The following NDUFAF6 variants were observed in gnomAD, a reference collection of about 807,000 sequenced individuals.
NDUFAF6 encodes NADH dehydrogenase (ubiquinone) complex I, assembly factor 6.
In NDUFAF6, 45 loss-of-function variants were observed where a neutral mutation model predicts 40.8. The ratio of observed to expected loss-of-function variants is 1.10; its 90% CI spans 0.87 to 1.42. The LOEUF (loss-of-function observed/expected upper bound fraction) is 1.42. Ranked by LOEUF, NDUFAF6 falls within the 40% of genes most tolerant of loss-of-function variation. NDUFAF6 has a pLI of 0.00. For missense variants in NDUFAF6, 435 were observed against 418.5 expected (o/e 1.04, Z -0.34); for synonymous variants, 185 against 155.9 (o/e 1.19, Z -1.39).
chr8:95,067,288 A>AT lies in NDUFAF6; in HGVS notation c.*512-8340dup, dbSNP rs561864105. ...GACAGAGACACAGCTCAGGGCAGGC[A>AT]TTTTTATTACCTTTGTGTCCCAAGG... On this transcript the variant is annotated intron_variant and NMD_transcript_variant, in intron 9 of 9. Coordinates refer to the NDUFAF6 transcript ENST00000520757. The AT allele has an allele frequency of 8.3e-3, 1,262 of 152,116 alleles. 13 individuals carry two copies. The highest frequency in any genetic ancestry group is 0.029 in the African/African-American group (1,202 of 41,460). 9.4% of individuals were successfully genotyped at this position (152,116 alleles called of 1,614,324 possible). A position where few individuals can be genotyped will look rare whatever the true frequency, so the allele number is the denominator to read the frequency against.
At chr8:94,975,056 C>T (rs1477511206) in intron 1 of NDUFAF6, among the ~76,000 whole-genome samples, 1 of 152,238 alleles carries the variant, frequency 6.6e-6, no homozygotes, top group African/African-American at 2.4e-5. Context: ...ACCAACATAA[C>T]CACTTGGAGG....
intron 2 of NDUFAF6, among the ~76,000 whole-genome samples, chr8:94,948,468 G>A (rs1563738368): frequency 6.6e-6 from 1 of 152,230 alleles, no homozygotes; most frequent in African/African-American, 2.4e-5. Context: ...TCTTTCCACA[G>A]GTGCAAAGTC....
At chr8:95,056,017 C>T (rs905135176) in intron 8 of NDUFAF6, among the ~76,000 whole-genome samples, 2 of 152,080 alleles carry the variant, frequency 1.3e-5, no homozygotes, top group Admixed American at 6.6e-5. Flanking sequence ...TTTATATATT[C>T]CTGAACAACA....
At chr8:94,922,202 A>G (rs549728421) in intron 1 of NDUFAF6, among the ~76,000 whole-genome samples, 112 of 152,018 alleles carry the variant, frequency 7.4e-4, no homozygotes, top group African/African-American at 9.4e-4. Context: ...AGTAGAGACG[A>G]GGTTTCACCG....
chr8:95,060,906 A>G (rs1010021082), downstream of NDUFAF6, among the ~76,000 whole-genome samples: 2 of 152,130 alleles, frequency 1.3e-5, no homozygotes, highest in African/African-American at 4.8e-5. Context: ...GACAATCGAA[A>G]TAGGTGTTAG....
chr8:94,984,041 G>T (rs893559121), intron 2 of NDUFAF6: 1 of 152,220 alleles, frequency 6.6e-6, no homozygotes, highest in African/African-American at 2.4e-5. Context: ...ACAGGTGCAA[G>T]AAGAGTTGTT....
chr8:95,066,287 C>CTTTTTTTTTT (rs11302193), intron 9 of NDUFAF6, among the ~76,000 whole-genome samples: 2 of 82,920 alleles, frequency 2.4e-5, no homozygotes, highest in African/African-American at 4.9e-5. Flanking sequence ...TGCTTGCTTG[C>CTTTTTTTTTT]TTTTTTTTTT....
At position 94,933,837 on chromosome 8, in the gene NDUFAF6, G is replaced by GGC. The variant is rs1554630467; in HGVS notation, c.-935-11645_-935-11644insCG. Among the ~76,000 whole-genome samples, 5 of 148,148 alleles carry GGC rather than the reference G, an allele frequency of 3.4e-5. No homozygotes were observed. In the South Asian group the frequency reaches 6.6e-4, roughly 20 times the overall value. On this transcript the variant is annotated intron_variant, in intron 1 of 14. Coordinates refer to the NDUFAF6 transcript ENST00000396113. ...TGCCTGTAATCCCAGCACTTTGTGG[G>GGC]GGGGGGGGGAGGATCACGAGGTCAG...
At chr8:94,921,492 G>A (rs1361095159) in intron 1 of NDUFAF6, among the ~76,000 whole-genome samples, 1 of 152,130 alleles carries the variant, frequency 6.6e-6, no homozygotes, top group Non-Finnish European at 1.5e-5. Context: ...GATTCTGGAG[G>A]GAGAAATAGA....
chr8:94,898,202 CAATGTCGATGTGTTATTATTAACT>C (rs1190973335), intron 1 of NDUFAF6, among the ~76,000 whole-genome samples: 3 of 152,150 alleles, frequency 2.0e-5, no homozygotes, highest in African/African-American at 7.2e-5. Flanking sequence ...TTTAATGAAT[CAATGTCGATGTGTTATTATTAACT>C]AAAGTCCATA....
intron 9 of NDUFAF6, chr8:95,068,254 A>G (rs1379998115): frequency 4.6e-5 from 7 of 152,038 alleles, no homozygotes; most frequent in Non-Finnish European, 8.8e-5. Flanking sequence ...TTTATACATA[A>G]TGTCCAGGGT....
At chr8:95,023,897 G>A (rs185631812), upstream of NDUFAF6, among the ~76,000 whole-genome samples, 97 of 151,884 alleles carry the variant, frequency 6.4e-4, no homozygotes, top group African/African-American at 2.2e-3. Flanking sequence ...AGGCTGAGGC[G>A]GGAGAATCGC....
At chr8:94,913,471 A>G (rs554268593) in intron 1 of NDUFAF6, among the ~76,000 whole-genome samples, 72 of 152,268 alleles carry the variant, frequency 4.7e-4, no homozygotes, top group Non-Finnish European at 8.2e-4. Context: ...CCTCTTCATC[A>G]TCACTATAAC....
At chr8:95,009,039 A>C (rs1827120097) in intron 2 of NDUFAF6, among the ~76,000 whole-genome samples, 3 of 151,976 alleles carry the variant, frequency 2.0e-5, no homozygotes, top group Non-Finnish European at 4.4e-5. Flanking sequence ...TCTACCAAAA[A>C]AGAAAAAAAA....
At chr8:95,054,411 G>A (rs1587176050) in intron 8 of NDUFAF6, among the ~76,000 whole-genome samples, 5 of 150,220 alleles carry the variant, frequency 3.3e-5, no homozygotes, top group South Asian at 2.1e-4. Context: ...AAACTCGGGG[G>A]GTGGGGCCCA....
chr8:94,960,181 A>T (rs1186592057), intron 1 of NDUFAF6, among the ~76,000 whole-genome samples: 1 of 152,230 alleles, frequency 6.6e-6, no homozygotes, highest in African/African-American at 2.4e-5. Context: ...GCAGCTTTAT[A>T]GAGATAAAAT....
intron 1 of NDUFAF6, among the ~76,000 whole-genome samples, chr8:94,972,335 G>A (rs1031636083): frequency 6.6e-5 from 10 of 152,040 alleles, no homozygotes; most frequent in Admixed American, 1.3e-4. Context: ...TCTGCCTCCC[G>A]GGTTCAAGCA....
chr8:94,971,817 A>G (rs529640293), intron 1 of NDUFAF6, among the ~76,000 whole-genome samples: 3 of 152,098 alleles, frequency 2.0e-5, no homozygotes, highest in Non-Finnish European at 4.4e-5. Context: ...TTGCGCCTAT[A>G]ATCCCAGCTA....
At chr8:95,097,369 TA>T (rs1377420200), upstream of NDUFAF6, among the ~76,000 whole-genome samples, 2 of 152,186 alleles carry the variant, frequency 1.3e-5, no homozygotes, top group Non-Finnish European at 2.9e-5. Context: ...GGAAACAACC[TA>T]AATGTTCGAC....
Sources: allele counts gnomAD v4.1 joint callset (sites outside exome capture counted in the v4.1 genomes callset), GRCh38; gene constraint gnomAD v4.1.1; transcripts MANE v1.5; gene names NCBI Gene and HGNC (gene_info 2026-07-23, HGNC 2026-07-21).